The following PCDHGA2 variants were observed in gnomAD, a reference collection of about 807,000 sequenced individuals.
PCDHGA2 encodes the protein protocadherin gamma subfamily A, 2, also known as protocadherin gamma-A2.
Under a neutral mutation model 59.2 loss-of-function variants are expected in PCDHGA2, and 40 were observed. That is an observed-to-expected ratio of 0.68 (90% confidence interval 0.52 to 0.88). The LOEUF is 0.88. Ranked by LOEUF, PCDHGA2 falls within the 40% of genes least tolerant of loss-of-function variation. The pLI is 0.00. For missense variants in PCDHGA2, 1,226 were observed against 1,204.0 expected (o/e 1.02, Z -0.27); for synonymous variants, 560 against 526.0 (o/e 1.06, Z -0.89).
At chr5:141,446,624 G>C (rs1433894248) in intron 1 of PCDHGA2, among the ~76,000 whole-genome samples, 1 of 151,930 alleles carries the variant, frequency 6.6e-6, no homozygotes, top group African/African-American at 2.4e-5. Flanking sequence ...CTACAGGCGT[G>C]CACCACCACG....
rs764434052 is a variant in PCDHGA2, at chr5:141,431,792, C to T, written c.2425-63015C>T. ...TGTTCTGGACGTGAACGACAATGCC[C>T]CAGAAGTGGTCCTCACCTCTCTCGC... is the stretch of plus-strand genomic sequence containing the variant. On this transcript the variant is annotated intron_variant, in intron 1 of 3. Transcript: ENST00000394576. This position sits in a 1 kb window ranked among gnomAD's most constrained non-coding sequence, Gnocchi z 4.8. The T allele has an allele frequency of 3.7e-6, 6 of 1,614,234 alleles. No homozygotes were observed. The South Asian group carries it at 6.6e-5, about 18-fold the overall frequency.
At chr5:141,393,671 A>G in intron 1 of PCDHGA2, 1 of 1,613,944 alleles carries the variant, frequency 6.2e-7, no homozygotes, top group Non-Finnish European at 8.5e-7. Flanking sequence ...AAATTAATGA[A>G]AAACAAACTC....
rs767458196 is a variant in PCDHGA2, at chr5:141,341,396, G to A, written c.2424+1G>A. 4 of 1,614,158 alleles carry A rather than the reference G, an allele frequency of 2.5e-6. No individual in the cohort carries two copies. Among genetic ancestry groups the A allele is most frequent in the Admixed American group, 1.7e-5 (1 of 60,006 alleles). ...AGAAAGAGAAGAAACGTTTTCTCAG[G>A]TAATCTATCTTTTCACAACATACGT... On this transcript the variant is annotated splice_donor_variant, in intron 1 of 3. Coordinates refer to ENST00000394576, the MANE Select transcript of PCDHGA2 (RefSeq NM_018915.4). LOFTEE classifies it high-confidence loss of function.
intron 1 of PCDHGA2, chr5:141,415,746 T>TTG: frequency 3.0e-6 from 2 of 662,596 alleles, no homozygotes; most frequent in Non-Finnish European, 3.7e-6. Flanking sequence ...TAAGGTTTTT[T>TTG]TTTTTTTTTT....
At chr5:141,345,445 T>G in intron 1 of PCDHGA2, 2 of 1,613,958 alleles carry the variant, frequency 1.2e-6, no homozygotes, top group Non-Finnish European at 1.7e-6. Flanking sequence ...GGAGCCTCCA[T>G]CTTCTCAGTG....
At chr5:141,357,638 A>G (rs765041890) in intron 1 of PCDHGA2, 1 of 1,612,576 alleles carries the variant, frequency 6.2e-7, no homozygotes, top group Non-Finnish European at 8.5e-7. Context: ...CAATCTTATA[A>G]TAGATCATAC....
chr5:141,357,535 C>T, intron 1 of PCDHGA2: 6 of 1,614,210 alleles, frequency 3.7e-6, no homozygotes, highest in Non-Finnish European at 5.1e-6. Context: ...TGCAGACACG[C>T]TCATCAGCCG....
intron 2 of PCDHGA2, among the ~76,000 whole-genome samples, chr5:141,495,250 A>G (rs557893500): frequency 6.6e-6 from 1 of 152,188 alleles, no homozygotes; most frequent in Non-Finnish European, 1.5e-5. Context: ...CCTGGGGCTC[A>G]GGCAGAAAAG....
chr5:141,484,004 G>C (rs1042457090), intron 1 of PCDHGA2, among the ~76,000 whole-genome samples: 5 of 146,164 alleles, frequency 3.4e-5, no homozygotes, highest in Non-Finnish European at 4.5e-5. Flanking sequence ...AGGTCTGGAT[G>C]AGGGTGGGGG....
At chr5:141,443,615 C>T (rs1430581477) in intron 1 of PCDHGA2, among the ~76,000 whole-genome samples, 3 of 152,198 alleles carry the variant, frequency 2.0e-5, no homozygotes, top group Non-Finnish European at 4.4e-5. Flanking sequence ...TTCTTATAAT[C>T]AGGTGATTGT....
chr5:141,497,702 G>A (rs904199928), intron 2 of PCDHGA2, among the ~76,000 whole-genome samples: 16 of 152,054 alleles, frequency 1.1e-4, no homozygotes, highest in African/African-American at 3.9e-4. Context: ...ACCACACCCA[G>A]CTCATTTTTG....
At chr5:141,443,790 T>A (rs1178101439) in intron 1 of PCDHGA2, among the ~76,000 whole-genome samples, 2 of 151,832 alleles carry the variant, frequency 1.3e-5, no homozygotes, top group Admixed American at 6.6e-5. Flanking sequence ...ACAAAAAAAA[T>A]GAAAAGGAAA....
At chr5:141,413,234 T>C (rs2095618811) in intron 1 of PCDHGA2, 2 of 1,613,838 alleles carry the variant, frequency 1.2e-6, no homozygotes, top group Non-Finnish European at 1.7e-6. Context: ...CTGGTCCTGC[T>C]CTGCCTTTTC....
At chr5:141,423,205 A>G in intron 1 of PCDHGA2, 1 of 1,613,612 alleles carries the variant, frequency 6.2e-7, no homozygotes, top group South Asian at 1.1e-5. Flanking sequence ...GGCCACCGTC[A>G]CGCTCACCGT....
At chr5:141,401,255 T>C (rs56773894) in intron 1 of PCDHGA2, among the ~76,000 whole-genome samples, 18,026 of 152,078 alleles carry the variant, frequency 0.12, 1,226 homozygotes, top group African/African-American at 0.18. Flanking sequence ...GACAGGAGAA[T>C]TGCTTGAACC....
At chr5:141,423,806 T>A in intron 1 of PCDHGA2, 1 of 1,251,576 alleles carries the variant, frequency 8.0e-7, no homozygotes, top group African/African-American at 1.6e-5. Flanking sequence ...GCAATACATG[T>A]GAGTTTTACT....
intron 1 of PCDHGA2, chr5:141,393,452 GGCCTCGGATGGCGGCAAGCC>G: frequency 6.2e-7 from 1 of 1,614,030 alleles, no homozygotes; most frequent in Admixed American, 1.7e-5. Context: ...TGGTCCTCAC[GGCCTCGGATGGCGGCAAGCC>G]GCCTCGCTCT....
intron 1 of PCDHGA2, chr5:141,430,959 T>A: frequency 6.2e-7 from 1 of 1,612,026 alleles, no homozygotes; most frequent in Non-Finnish European, 8.5e-7. Flanking sequence ...GTCCGCATCA[T>A]CCCCAGAGGT....
rs552812176 is a variant in PCDHGA2, at chr5:141,497,407, A to G, written c.2483+2542A>G. Among the ~76,000 whole-genome samples, 43 of 152,204 alleles carry G rather than the reference A, an allele frequency of 2.8e-4. No individual in the cohort carries two copies. In the Middle Eastern group the frequency reaches 0.01, roughly 36 times the overall value. The stretch of plus-strand genomic sequence containing the variant: ...GCACCTTACCCCTGCCTCAACTCCC[A>G]TTCCATCAAATGAGAGGCTTAGTGG... On this transcript the variant is annotated intron_variant, in intron 2 of 3. Coordinates refer to ENST00000394576, the MANE Select transcript of PCDHGA2 (RefSeq NM_018915.4).
Sources: gnomAD v4.1 joint callset for allele counts (sites outside exome capture counted in the v4.1 genomes callset) on GRCh38, gnomAD v4.1.1 for gene constraint, Gnocchi (gnomAD v3.1) non-coding constraint, MANE v1.5 for transcripts, NCBI Gene and HGNC (gene_info 2026-07-23, HGNC 2026-07-21) for gene names.